DST: variants seen among roughly 807,000 people sequenced by gnomAD.
The protein encoded by DST is dystonin, also known as bullous pemphigoid antigen.
Under a neutral mutation model 875.2 loss-of-function variants are expected in DST, and 253 were observed. That is an observed-to-expected ratio of 0.29 (90% confidence interval 0.26 to 0.32). DST has a LOEUF of 0.32. DST is among the 10% of genes least tolerant of loss of function. The pLI, the probability that DST is intolerant of heterozygous loss-of-function variation, is 1.00. For missense variants in DST, 8,287 were observed against 9,111.6 expected, an observed-to-expected ratio of 0.91 and a Z score of 3.68; for synonymous variants, 3,124 against 3,197.1, an observed-to-expected ratio of 0.98 and a Z score of 0.77.
chr6:56,542,614 C>T (rs1032226718), intron 61 of DST: 1 of 152,238 alleles, frequency 6.6e-6, no homozygotes, highest in Non-Finnish European at 1.5e-5. Flanking sequence ...TGAAACTGAA[C>T]CAAGTTCTGT....
At chr6:56,539,243 C>A (rs1217840961) in intron 61 of DST, among the ~76,000 whole-genome samples, 2 of 151,682 alleles carry the variant, frequency 1.3e-5, no homozygotes, top group Non-Finnish European at 2.9e-5. Context: ...TCTAAAGTGC[C>A]CCCAAAAATA....
chr6:56,919,124 CTA>C (rs1453548410), intron 2 of DST, among the ~76,000 whole-genome samples: 1 of 151,930 alleles, frequency 6.6e-6, no homozygotes, highest in African/African-American at 2.4e-5. Context: ...AAATAATTTA[CTA>C]TATATGCAGC....
intron 73 of DST, 25 bp downstream of exon 73, chr6:56,511,172 T>C (rs2096468022): frequency 1.3e-6 from 2 of 1,551,114 alleles, no homozygotes; most frequent in Non-Finnish European, 1.7e-6. Flanking sequence ...AAGAACCCAA[T>C]TCTATATCTA....
intron 4 of DST, among the ~76,000 whole-genome samples, chr6:56,745,136 T>TA (rs1167152857): frequency 9.2e-5 from 14 of 152,330 alleles, no homozygotes; most frequent in East Asian, 7.7e-4. Context: ...AGTTATCAGA[T>TA]AAAATTATTC....
rs2098884634 is a variant in DST at position 56,640,544 on chromosome 6, T to G, written c.2089A>C (p.Lys697Gln). Residue 697 changes from lysine to glutamine, a missense_variant, in exon 18 of 104, where the codon AAA (lysine) becomes CAA (glutamine). Transcript: ENST00000680361. The part of the protein sequence containing the change: ...LRNECSSVYS[K>Q]GRILTTEQTK... ...TGTTCTGTTGTCAGTATGCGTCCTTTGCTGTACACAGAAGAACATTCGTTC... is the reference window on the plus strand; with the variant it reads ...TGTTCTGTTGTCAGTATGCGTCCTTGGCTGTACACAGAAGAACATTCGTTC... 1 of 1,614,108 alleles carries G rather than the reference T, an allele frequency of 6.2e-7. No homozygotes were observed. The highest frequency in any genetic ancestry group is 1.3e-5 in the African/African-American group (1 of 74,942).
At chr6:56,566,709 C>G (rs547711268) in intron 55 of DST, among the ~76,000 whole-genome samples, 39 of 152,250 alleles carry the variant, frequency 2.6e-4, no homozygotes, top group African/African-American at 7.9e-4. Flanking sequence ...TCCTGAAGCT[C>G]AGAAGGTGCT....
At chr6:56,681,048 T>C (rs2099154808) in intron 9 of DST, among the ~76,000 whole-genome samples, 1 of 152,210 alleles carries the variant, frequency 6.6e-6, no homozygotes, top group Non-Finnish European at 1.5e-5. Flanking sequence ...AAGTCAAATT[T>C]GAACTTGAAT....
chr6:56,726,780 C>T (rs1172878672), intron 5 of DST, among the ~76,000 whole-genome samples: 3 of 152,136 alleles, frequency 2.0e-5, no homozygotes, highest in African/African-American at 7.2e-5. Context: ...ATATAGTATA[C>T]TAGTGGGAAA....
intron 2 of DST, among the ~76,000 whole-genome samples, chr6:56,924,654 A>C (rs1019223475): frequency 5.3e-5 from 8 of 152,164 alleles, no homozygotes; most frequent in African/African-American, 1.7e-4. Flanking sequence ...CAAGGCAATA[A>C]ATTAAACACA....
intron 90 of DST, 103 bp downstream of exon 90, chr6:56,481,947 C>A: frequency 7.6e-7 from 1 of 1,324,002 alleles, no homozygotes; most frequent in South Asian, 1.3e-5. Context: ...AAGTATTTCT[C>A]AGGAAGGAAA....
chr6:56,614,784 T>C, intron 36 of DST: 1 of 1,026,794 alleles, frequency 9.7e-7, no homozygotes, highest in Non-Finnish European at 1.2e-6. Context: ...CACTAGAAGA[T>C]CTTTGAATTG....
intron 3 of DST, chr6:56,871,243 G>A: frequency 1.3e-6 from 1 of 772,698 alleles, no homozygotes; most frequent in Non-Finnish European, 2.4e-6. Context: ...TGCAAATCAA[G>A]AGGTTCAAAT....
At position 56,553,465 on chromosome 6, in the gene DST, A is replaced by C; in HGVS notation, c.15327T>G (p.Ala5109=). The C allele has an allele frequency of 6.2e-7, 1 of 1,613,142 alleles. No individual in the cohort carries two copies. The highest frequency in any genetic ancestry group is 8.5e-7 in the Non-Finnish European group (1 of 1,179,660). ...TGGTTTTTTCATACATATGAGACTGAGCGGTCAAAGTTTTACTAAAGTCTT... is the reference window on the plus strand; with the variant it reads ...TGGTTTTTTCATACATATGAGACTGCGCGGTCAAAGTTTTACTAAAGTCTT... ...DHKDFSKTLT[A]QSHMYEKTIA... is the part of the protein sequence containing the mutation. Residue 5109 remains alanine (A), a synonymous_variant, in exon 61 of 104, where the codon GCT becomes GCG. Transcript: ENST00000680361.
chr6:56,619,079 T>C, intron 36 of DST: 1 of 1,613,968 alleles, frequency 6.2e-7, no homozygotes, highest in South Asian at 1.1e-5. Flanking sequence ...TTTCGCCAGG[T>C]CTTCTTCTAG....
In DST at chr6:56,625,135, CTT is replaced by C. The variant is rs767928646; in HGVS notation, c.4830+20_4830+21del. 22 of 1,531,804 alleles carry C rather than the reference CTT, an allele frequency of 1.4e-5. No individual in the cohort carries two copies. The highest frequency in any genetic ancestry group is 2.0e-5 in the Non-Finnish European group (22 of 1,105,276). The allele number at this position is 1,531,804 out of a possible 1,614,324, so 94.9% of individuals were successfully genotyped here. On this transcript the variant is annotated intron_variant, in intron 35 of 103. Transcript: ENST00000680361. ...TTCTTTCTTTTATGCCCCTTCCCCT[CTT>C]TCTCTCATACTTTTATTACCTCTTG...
intron 5 of DST, among the ~76,000 whole-genome samples, chr6:56,707,834 T>A (rs1478835835): frequency 6.6e-6 from 1 of 152,150 alleles, no homozygotes; most frequent in Non-Finnish European, 1.5e-5. Flanking sequence ...ACAGACATGT[T>A]TAGAGAAGGA....
chr6:56,745,975 CT>C (rs561155720), intron 4 of DST, among the ~76,000 whole-genome samples: 260 of 152,088 alleles, frequency 1.7e-3, no homozygotes, highest in African/African-American at 6.0e-3. Context: ...ATGGCAGAGA[CT>C]TTTTTATTTT....
intron 99 of DST, 68 bp from the exon 100 acceptor site, chr6:56,464,824 C>G (rs921575831): frequency 5.7e-6 from 7 of 1,235,864 alleles, no homozygotes; most frequent in Non-Finnish European, 8.1e-6. Context: ...AAACAAAGTA[C>G]AGTAGTTGAA....
chr6:56,619,862 G>A (rs1448484607), intron 36 of DST: 6 of 1,613,900 alleles, frequency 3.7e-6, no homozygotes, highest in Non-Finnish European at 4.2e-6. Flanking sequence ...AAGCTGGAGG[G>A]CATTAAGTTC....
Sources: allele counts gnomAD v4.1 joint callset (sites outside exome capture counted in the v4.1 genomes callset), GRCh38; gene constraint gnomAD v4.1.1; transcripts MANE v1.5; gene names NCBI Gene and HGNC (gene_info 2026-07-23, HGNC 2026-07-21).